The following ADCY5 variants were observed in gnomAD, a reference collection of about 807,000 sequenced individuals.
ADCY5 encodes adenylate cyclase 5.
A neutral mutation model predicts 119.7 loss-of-function variants in ADCY5; 30 were observed. The ratio of observed to expected loss-of-function variants is 0.25; its 90% confidence interval spans 0.19 to 0.34. The LOEUF (loss-of-function observed/expected upper bound fraction) is 0.34. Ranked by LOEUF, ADCY5 falls within the 10% of genes least tolerant of loss-of-function variation. The pLI is 1.00. For missense variants in ADCY5, 1,324 were observed against 1,775.2 expected (o/e 0.75, Z 4.57); for synonymous variants, 753 against 762.2 (o/e 0.99, Z 0.20).
intron 1 of ADCY5, among the ~76,000 whole-genome samples, chr3:123,416,530 C>A (rs777317269): frequency 2.0e-5 from 3 of 152,190 alleles, no homozygotes; most frequent in Non-Finnish European, 4.4e-5. Context: ...AGATTTTGAG[C>A]AAACTCCTAC....
intron 3 of ADCY5, among the ~76,000 whole-genome samples, chr3:123,339,185 G>T (rs996249893): frequency 2.0e-5 from 3 of 152,206 alleles, no homozygotes; most frequent in Non-Finnish European, 4.4e-5. Context: ...CTCTGGATGG[G>T]CCAGTGGTCT....
chr3:123,398,866 C>G (rs1944677276), intron 1 of ADCY5, among the ~76,000 whole-genome samples: 1 of 152,176 alleles, frequency 6.6e-6, no homozygotes, highest in African/African-American at 2.4e-5. Flanking sequence ...ATGAGTAAAA[C>G]TGTAAAGGAT....
intron 1 of ADCY5, among the ~76,000 whole-genome samples, chr3:123,414,867 C>T (rs967390565): frequency 2.6e-5 from 4 of 152,190 alleles, no homozygotes; most frequent in African/African-American, 9.6e-5. Context: ...CCTGATGGCT[C>T]ATCTTTAAAG....
In ADCY5 at chr3:123,299,668, T is replaced by C. The variant is rs190628055; in HGVS notation, c.2900+452A>G. Among the ~76,000 whole-genome samples, 303 of 152,348 alleles carry C rather than the reference T, an allele frequency of 2.0e-3. 1 individual carries two copies. The highest frequency in any genetic ancestry group is 5.9e-3 in the African/African-American group (247 of 41,590). On this transcript the variant is annotated intron_variant, in intron 15 of 20. Transcript: ENST00000462833. ...TGCACAGATGCCCAGCCTTATGTGG[T>C]GGGCCTGCCTACTTGGCTGAGTTGC...
rs1392844353 is a variant in ADCY5 at position 123,330,928 on chromosome 3, C to T, written c.1607G>A (p.Cys536Tyr). The change falls in exon 5 of 21, where the codon TGC becomes TAC. Residue 536 changes from cysteine (C) to tyrosine (Y), a missense_variant. By Grantham distance (194) the Cys-to-Tyr change is radical. Transcript: ENST00000462833. The part of the protein sequence containing the change: ...LPEARADHAH[C>Y]CVEMGMDMIE... Reference sequence around the variant, plus strand: ...CATGTCCATGCCCATCTCCACACAGCAGTGGGCGTGGTCAGCCCTTGCTTC... The same window carrying T: ...CATGTCCATGCCCATCTCCACACAGTAGTGGGCGTGGTCAGCCCTTGCTTC... The T allele has an allele frequency of 6.2e-7, 1 of 1,613,960 alleles. No individual in the cohort carries two copies. Among genetic ancestry groups the T allele is most frequent in the Non-Finnish European group, 8.5e-7 (1 of 1,179,928 alleles).
intron 1 of ADCY5, among the ~76,000 whole-genome samples, chr3:123,354,574 G>C (rs1942973469): frequency 6.6e-6 from 1 of 152,218 alleles, no homozygotes; most frequent in Non-Finnish European, 1.5e-5. Context: ...AGATGAGGAA[G>C]TGAAGGCTGA....
At chr3:123,392,784 C>T (rs1339557308) in intron 1 of ADCY5, among the ~76,000 whole-genome samples, 2 of 152,158 alleles carry the variant, frequency 1.3e-5, no homozygotes, top group South Asian at 4.1e-4. Flanking sequence ...CTCTCTTGCA[C>T]GCTATACCTC....
chr3:123,347,321 A>G (rs1323929522), intron 3 of ADCY5, among the ~76,000 whole-genome samples: 2 of 152,154 alleles, frequency 1.3e-5, no homozygotes, highest in Non-Finnish European at 2.9e-5. Context: ...GCTGGCTTGC[A>G]GTGCTGTCAG....
At chr3:123,414,907 A>C (rs1173719637) in intron 1 of ADCY5, among the ~76,000 whole-genome samples, 3 of 152,174 alleles carry the variant, frequency 2.0e-5, no homozygotes, top group African/African-American at 4.8e-5. Flanking sequence ...CAGATGAGGA[A>C]ACTGGGGCCC....
At chr3:123,440,461 A>AC (rs146979275) in intron 1 of ADCY5, among the ~76,000 whole-genome samples, 5,700 of 149,520 alleles carry the variant, frequency 0.038, 455 homozygotes, top group East Asian at 0.34. Flanking sequence ...TTGTCTAACC[A>AC]CCCCCCCTTT....
At position 123,309,992 on chromosome 3, in the gene ADCY5, G is replaced by A. The variant is rs1940450417; in HGVS notation, c.2442+4243C>T. The stretch of plus-strand genomic sequence containing the variant: ...ACTGCAGAGCAGACAGGGCCCACAG[G>A]AGGCTCTGGTCACAGATCCCAGGTG... On this transcript the variant is annotated intron_variant, in intron 12 of 20. Transcript: ENST00000462833. Among the ~76,000 whole-genome samples, 13 of 152,150 alleles carry A rather than the reference G, an allele frequency of 8.5e-5. 1 individual carries two copies. In the South Asian group the frequency reaches 2.7e-3, roughly 32 times the overall value.
chr3:123,433,040 T>C (rs1369070951), intron 1 of ADCY5, among the ~76,000 whole-genome samples: 1 of 152,150 alleles, frequency 6.6e-6, no homozygotes, highest in Non-Finnish European at 1.5e-5. Context: ...AGTAAATATT[T>C]GGGGATTGAA....
At chr3:123,305,343 C>G (rs1190279422) in intron 12 of ADCY5, among the ~76,000 whole-genome samples, 4 of 152,224 alleles carry the variant, frequency 2.6e-5, no homozygotes, top group African/African-American at 9.6e-5. Flanking sequence ...CACTGACAGA[C>G]AGCTAAGTAG....
At chr3:123,348,204 C>T (rs1460527886) in intron 2 of ADCY5, among the ~76,000 whole-genome samples, 4 of 152,022 alleles carry the variant, frequency 2.6e-5, no homozygotes, top group Non-Finnish European at 5.9e-5. Flanking sequence ...CTGAGCACCT[C>T]GGGTTAGAAT....
intron 1 of ADCY5, among the ~76,000 whole-genome samples, chr3:123,406,015 G>A (rs1412483736): frequency 3.3e-5 from 5 of 152,202 alleles, no homozygotes; most frequent in Non-Finnish European, 7.3e-5. Context: ...CCCAGGCCTA[G>A]CCAATTCCTA....
rs1576512850 is a variant in ADCY5 at position 123,282,529 on chromosome 3, A to C, written c.*2079T>G. ...CCATGGGAGAACATGGGATGAACTC[A>C]GCACACACACTTTACTCAGGTTGGA... is the stretch of plus-strand genomic sequence containing the variant. On this transcript the variant is annotated 3_prime_UTR_variant, in exon 21 of 21. Transcript: ENST00000462833. 6.6e-6 allele frequency: 1 copy of C among 152,292 alleles called. No individual in the cohort carries two copies. Among genetic ancestry groups the C allele is most frequent in the African/African-American group, 2.4e-5 (1 of 41,452 alleles). The allele number at this position is 152,292 out of a possible 1,614,324, so 9.4% of individuals were successfully genotyped here. A position where few individuals can be genotyped will look rare whatever the true frequency, so the allele number is the denominator to read the frequency against.
intron 7 of ADCY5, among the ~76,000 whole-genome samples, chr3:123,327,067 TG>T (rs2108381345): frequency 6.6e-6 from 1 of 152,302 alleles, no homozygotes; most frequent in East Asian, 1.9e-4. Context: ...ATTAAGAGCA[TG>T]GAACATGACA....
chr3:123,366,661 A>C (rs1943451944), intron 1 of ADCY5, among the ~76,000 whole-genome samples: 1 of 152,210 alleles, frequency 6.6e-6, no homozygotes, highest in Non-Finnish European at 1.5e-5. Flanking sequence ...GAATATACGA[A>C]TTTAAAACCA....
At chr3:123,310,628 C>A (rs1940515484) in intron 12 of ADCY5, among the ~76,000 whole-genome samples, 1 of 152,150 alleles carries the variant, frequency 6.6e-6, no homozygotes, top group South Asian at 2.1e-4. Flanking sequence ...CTACGAAAAG[C>A]AGTTCTGGGG....
Sources: gnomAD v4.1 joint callset for allele counts (sites outside exome capture counted in the v4.1 genomes callset) on GRCh38, gnomAD v4.1.1 for gene constraint, MANE v1.5 for transcripts, NCBI Gene and HGNC (gene_info 2026-07-23, HGNC 2026-07-21) for gene names.